Variants in HEG1 observed in about 807,000 individuals in gnomAD.
HEG1 encodes heart development protein with EGF like domains 1, also known as protein HEG homolog 1.
In HEG1, 56 loss-of-function variants were observed where a neutral mutation model predicts 125.6. The ratio of observed to expected loss-of-function variants is 0.45; its 90% CI spans 0.36 to 0.56. HEG1 has a LOEUF of 0.56. Ranked by LOEUF, HEG1 falls within the 20% of genes least tolerant of loss-of-function variation. The probability of loss-of-function intolerance (pLI) is 0.00; values close to 1 mark genes in which losing one functional copy is unlikely to be tolerated. For synonymous variants in HEG1, 644 were observed against 668.5 expected, an observed-to-expected ratio of 0.96 and a Z score of 0.57; for missense variants, 1,523 against 1,670.0, an observed-to-expected ratio of 0.91 and a Z score of 1.53.
At chr3:125,012,061 C>A (rs1937164041) in intron 6 of HEG1, among the ~76,000 whole-genome samples, 1 of 152,166 alleles carries the variant, frequency 6.6e-6, no homozygotes, top group Non-Finnish European at 1.5e-5. Flanking sequence ...TCCCATTTAT[C>A]AACTAGCCAC....
intron 1 of HEG1, among the ~76,000 whole-genome samples, chr3:125,040,493 A>G (rs1399006406): frequency 6.6e-6 from 1 of 152,142 alleles, no homozygotes; most frequent in East Asian, 1.9e-4. Flanking sequence ...GAACAGTAAG[A>G]CACTGATGCT....
chr3:125,041,839 G>T (rs7433915), intron 1 of HEG1, among the ~76,000 whole-genome samples: 28,260 of 152,176 alleles, frequency 0.19, 3,078 homozygotes, highest in East Asian at 0.32. Flanking sequence ...AGTGAAATAA[G>T]CCAGCCACAA....
chr3:125,018,883 T>C (rs1937291754), intron 5 of HEG1, among the ~76,000 whole-genome samples: 1 of 151,412 alleles, frequency 6.6e-6, no homozygotes, highest in African/African-American at 2.4e-5. Flanking sequence ...TTTTTTTTTT[T>C]TTGAGACACT....
intron 1 of HEG1, among the ~76,000 whole-genome samples, chr3:125,052,474 C>T (rs939640269): frequency 6.6e-6 from 1 of 152,222 alleles, no homozygotes; most frequent in Non-Finnish European, 1.5e-5. Flanking sequence ...CTCAGCTACT[C>T]AGCGTCATTT....
At chr3:125,031,700 T>C (rs1481689644) in intron 1 of HEG1, among the ~76,000 whole-genome samples, 1 of 111,070 alleles carries the variant, frequency 9.0e-6, no homozygotes, top group Non-Finnish European at 2.0e-5. Flanking sequence ...CACACCCACA[T>C]ATACCCCCCA....
intron 1 of HEG1, among the ~76,000 whole-genome samples, chr3:125,039,905 T>C: frequency 6.6e-6 from 1 of 150,634 alleles, no homozygotes; most frequent in East Asian, 1.9e-4. Context: ...GAAACACAAC[T>C]GTGCTGACCT....
chr3:125,001,923 T>A lies in HEG1; in HGVS notation c.3446A>T (p.Lys1149Ile), dbSNP rs763100171. The change falls in exon 11 of 17, where the codon AAA becomes ATA. Residue 1149 changes from lysine to isoleucine, a missense_variant. Coordinates refer to ENST00000311127, the MANE Select transcript of HEG1 (RefSeq NM_020733.2). ...TLFDLADRMQ[K>I]CVNSCKSSAE... is the part of the protein sequence containing the mutation. ...AGAGGACTTGCAGGAGTTGACACAT[T>A]TCTGCATCCTATCAGCCAGGTCAAA... is the stretch of plus-strand genomic sequence containing the variant. The A allele has an allele frequency of 6.2e-7, 1 of 1,613,948 alleles. No homozygotes were observed. The highest frequency in any genetic ancestry group is 8.5e-7 in the Non-Finnish European group (1 of 1,179,860).
At chr3:125,009,381 A>C in intron 8 of HEG1, 1 of 168,498 alleles carries the variant, frequency 5.9e-6, no homozygotes, top group East Asian at 1.6e-4. Flanking sequence ...TATTATACAC[A>C]AATGATGGCA....
intron 12 of HEG1, 125 bp from the exon 13 acceptor site, chr3:124,991,111 T>A (rs1936826334): frequency 1.4e-6 from 1 of 700,198 alleles, no homozygotes; most frequent in Non-Finnish European, 2.4e-6. Flanking sequence ...CAAACTGCTT[T>A]GGAATGATCC....
At chr3:125,006,109 A>T (rs1560022890) in intron 8 of HEG1, among the ~76,000 whole-genome samples, 1 of 152,134 alleles carries the variant, frequency 6.6e-6, no homozygotes. Context: ...TATCCTAAGG[A>T]CACCCAAGGG....
intron 14 of HEG1, among the ~76,000 whole-genome samples, chr3:124,988,246 A>T (rs1297607994): frequency 6.6e-6 from 1 of 151,976 alleles, no homozygotes; most frequent in Non-Finnish European, 1.5e-5. Context: ...CCTCCTAAAC[A>T]CAAAAGCATA....
intron 2 of HEG1, among the ~76,000 whole-genome samples, chr3:125,028,643 G>A (rs989435908): frequency 6.6e-6 from 1 of 152,204 alleles, no homozygotes; most frequent in African/African-American, 2.4e-5. Context: ...CCTAAAAGGA[G>A]AATAACATGA....
intron 1 of HEG1, among the ~76,000 whole-genome samples, chr3:125,031,717 CACAT>C: frequency 6.6e-6 from 1 of 151,158 alleles, no homozygotes; most frequent in Non-Finnish European, 1.5e-5. Flanking sequence ...CCCACACACA[CACAT>C]ACACACACAG....
chr3:124,974,143 CA>C (rs1481584785), intron 15 of HEG1, among the ~76,000 whole-genome samples: 4 of 151,930 alleles, frequency 2.6e-5, no homozygotes, highest in Non-Finnish European at 5.9e-5. Flanking sequence ...GCCAGATTAT[CA>C]GGGGGTAGGG....
intron 3 of HEG1, among the ~76,000 whole-genome samples, chr3:125,026,117 C>T (rs1579426900): frequency 6.6e-6 from 1 of 152,118 alleles, no homozygotes. Flanking sequence ...CCCTATGGTA[C>T]GAGGATGAAA....
Position 124,969,027 on chromosome 3 carries a change from G to A in HEG1, c.*1625C>T, listed in dbSNP as rs985854781. 5.3e-5 allele frequency: 8 copies of A among 152,174 alleles called. No homozygotes were observed. Among genetic ancestry groups the A allele is most frequent in the African/African-American group, 1.9e-4 (8 of 41,410 alleles). The allele number at this position is 152,174 out of a possible 1,614,324, so 9.4% of individuals were successfully genotyped here. On this transcript the variant is annotated 3_prime_UTR_variant, in exon 17 of 17. Transcript: ENST00000311127. ...CAGGAGTTCTTGCTTAAAACCATCA[G>A]GGCCAAGGATTATGTAAGAATAGGG...
At chr3:125,012,100 G>A (rs1237358321) in intron 6 of HEG1, among the ~76,000 whole-genome samples, 1 of 152,190 alleles carries the variant, frequency 6.6e-6, no homozygotes, top group Non-Finnish European at 1.5e-5. Flanking sequence ...AGGAGCTTGG[G>A]CTTCCCTGGA....
chr3:125,043,759 A>G (rs1937621449), intron 1 of HEG1, among the ~76,000 whole-genome samples: 1 of 152,132 alleles, frequency 6.6e-6, no homozygotes, highest in African/African-American at 2.4e-5. Flanking sequence ...TCACCGTCAC[A>G]TTTGATCACA....
rs10658772 is a variant in HEG1, at chr3:125,036,209, C to CAAAAAAAAAAAAAA, written c.317-6735_317-6722dup. On this transcript the variant is annotated intron_variant, in intron 1 of 16. Transcript: ENST00000311127. The stretch of plus-strand genomic sequence containing the variant: ...TGGATGACAAAGCAAGACCCTGTCT[C>CAAAAAAAAAAAAAA]AAAAAAAAAAAAAAAAAGAAAAGAA... Among the ~76,000 whole-genome samples, 73 of 70,470 alleles carry CAAAAAAAAAAAAAA rather than the reference C, an allele frequency of 1.0e-3. 2 individuals are homozygous for CAAAAAAAAAAAAAA. Among genetic ancestry groups the CAAAAAAAAAAAAAA allele is most frequent in the Admixed American group, 1.9e-3 (9 of 4,824 alleles). The allele number at this position is 70,470 out of a possible 152,430, so 46.2% of individuals were successfully genotyped here.
Sources: allele counts gnomAD v4.1 joint callset (sites outside exome capture counted in the v4.1 genomes callset), GRCh38; gene constraint gnomAD v4.1.1; transcripts MANE v1.5; gene names NCBI Gene and HGNC (gene_info 2026-07-23, HGNC 2026-07-21).